Variants in EVI5 observed in about 807,000 individuals in gnomAD.
EVI5 encodes ecotropic viral integration site 5 protein homolog.
In EVI5, 73 loss-of-function variants were observed where a neutral mutation model predicts 112.0. The ratio of observed to expected loss-of-function variants is 0.65; its 90% CI spans 0.54 to 0.79. The LOEUF (loss-of-function observed/expected upper bound fraction) is 0.79, where lower values mean the gene tolerates loss of function less well. Ranked by LOEUF, EVI5 falls within the 30% of genes least tolerant of loss-of-function variation. The pLI, the probability that EVI5 is intolerant of heterozygous loss-of-function variation, is 0.00. For missense variants in EVI5, 900 were observed against 968.8 expected, an observed-to-expected ratio of 0.93 and a Z score of 0.94; for synonymous variants, 305 against 319.9, an observed-to-expected ratio of 0.95 and a Z score of 0.50.
intron 13 of EVI5, among the ~76,000 whole-genome samples, chr1:92,644,589 G>A (rs12569144): frequency 6.6e-6 from 1 of 152,118 alleles, no homozygotes; most frequent in Non-Finnish European, 1.5e-5. Context: ...TGGGAGCTTA[G>A]ATTATTGGTT....
chr1:92,669,972 A>G (rs1665588298), intron 10 of EVI5, among the ~76,000 whole-genome samples: 1 of 151,988 alleles, frequency 6.6e-6, no homozygotes, highest in African/African-American at 2.4e-5. Context: ...ACCAAATTAG[A>G]AAAAAAAGAG....
chr1:92,550,881 G>GA (rs1389109837), intron 19 of EVI5, among the ~76,000 whole-genome samples: 1 of 117,412 alleles, frequency 8.5e-6, no homozygotes, highest in Non-Finnish European at 1.7e-5. Flanking sequence ...AACAGATTAA[G>GA]AAAATCAATA....
intron 2 of EVI5, among the ~76,000 whole-genome samples, chr1:92,706,749 G>A (rs183396835): frequency 1.3e-5 from 2 of 152,252 alleles, no homozygotes; most frequent in South Asian, 4.1e-4. Flanking sequence ...ATTATACAAA[G>A]CTGTGAGGAA....
At chr1:92,634,110 C>G (rs1265585038) in intron 14 of EVI5, among the ~76,000 whole-genome samples, 5 of 152,164 alleles carry the variant, frequency 3.3e-5, no homozygotes. Context: ...CTGCCCTTAA[C>G]ATTTCTAAAA....
At chr1:92,545,639 C>G (rs1225180155) in intron 19 of EVI5, among the ~76,000 whole-genome samples, 2 of 152,086 alleles carry the variant, frequency 1.3e-5, no homozygotes, top group Non-Finnish European at 2.9e-5. Context: ...AAAACACAAT[C>G]AAGAAAGTAA....
Position 92,646,345 on chromosome 1 carries a change from C to T in EVI5, c.1393-10009G>A, listed in dbSNP as rs79244601. ...TACTTTGCTGACAACAGTTCTACAGCTTGTTCAAAAAGTTTATAGACAATG... is the reference window on the plus strand; with the variant it reads ...TACTTTGCTGACAACAGTTCTACAGTTTGTTCAAAAAGTTTATAGACAATG... On this transcript the variant is annotated intron_variant, in intron 13 of 19. Coordinates refer to ENST00000684568, the MANE Select transcript of EVI5 (RefSeq NM_001350197.2). Among the ~76,000 whole-genome samples, 61 of 152,294 alleles carry T rather than the reference C, an allele frequency of 4.0e-4. No individual in the cohort carries two copies. In the East Asian group the frequency reaches 4.6e-3, roughly 12 times the overall value.
upstream of EVI5, among the ~76,000 whole-genome samples, chr1:92,785,600 A>G (rs1228950341): frequency 7.9e-5 from 12 of 152,322 alleles, no homozygotes; most frequent in East Asian, 2.3e-3. Flanking sequence ...GTTTATGCAG[A>G]CTACTGCAGG....
chr1:92,607,474 C>G, intron 17 of EVI5, 107 bp downstream of exon 17: 1 of 775,634 alleles, frequency 1.3e-6, no homozygotes, highest in Non-Finnish European at 1.9e-6. Flanking sequence ...GAAAATAGGA[C>G]GAGCTTTTTT....
At chr1:92,539,645 G>A (rs1447184434) in intron 19 of EVI5, among the ~76,000 whole-genome samples, 1 of 151,780 alleles carries the variant, frequency 6.6e-6, no homozygotes, top group Non-Finnish European at 1.5e-5. Flanking sequence ...CCCCATCCAT[G>A]GGCCCCAGGT....
chr1:92,635,645 C>T (rs763724431), intron 14 of EVI5, among the ~76,000 whole-genome samples: 6 of 152,070 alleles, frequency 3.9e-5, no homozygotes, highest in Admixed American at 2.6e-4. Context: ...GCTCGGTGCA[C>T]TACACCCACT....
At chr1:92,723,900 C>T (rs1389074779) in intron 2 of EVI5, among the ~76,000 whole-genome samples, 2 of 152,110 alleles carry the variant, frequency 1.3e-5, no homozygotes, top group East Asian at 1.9e-4. Context: ...GTCTGTCTTA[C>T]GCGGTTGAGA....
chr1:92,666,302 T>A (rs1190183136), intron 10 of EVI5, among the ~76,000 whole-genome samples: 3 of 151,392 alleles, frequency 2.0e-5, no homozygotes, highest in Non-Finnish European at 4.4e-5. Context: ...ACACACACAA[T>A]TTAGCCAGGA....
At chr1:92,775,335 G>A (rs1053530428) in intron 1 of EVI5, among the ~76,000 whole-genome samples, 1 of 151,924 alleles carries the variant, frequency 6.6e-6, no homozygotes, top group Non-Finnish European at 1.5e-5. Flanking sequence ...GCTCAGGCAG[G>A]AGAATAGTTT....
intron 9 of EVI5, among the ~76,000 whole-genome samples, chr1:92,691,025 G>A (rs1234469702): frequency 6.6e-6 from 1 of 152,092 alleles, no homozygotes; most frequent in East Asian, 1.9e-4. Flanking sequence ...CCTTCAGGTT[G>A]GATATTCTCG....
intron 2 of EVI5, among the ~76,000 whole-genome samples, chr1:92,719,074 G>C (rs1216461653): frequency 2.0e-5 from 3 of 152,120 alleles, no homozygotes; most frequent in Non-Finnish European, 4.4e-5. Context: ...ACGAAAAAAA[G>C]TTCAGGACCA....
chr1:92,682,735 C>T (rs1166230440), intron 9 of EVI5, among the ~76,000 whole-genome samples: 1 of 151,854 alleles, frequency 6.6e-6, no homozygotes, highest in African/African-American at 2.4e-5. Flanking sequence ...TGCAAGACTT[C>T]GTCTCAAAAA....
intron 18 of EVI5, among the ~76,000 whole-genome samples, chr1:92,575,689 G>A (rs375985014): frequency 4.7e-5 from 7 of 150,102 alleles, no homozygotes; most frequent in African/African-American, 1.2e-4. Context: ...CATGCCTCCC[G>A]AGTAGCTGGA....
chr1:92,543,828 T>C lies in EVI5; in HGVS notation c.2166+19814A>G, dbSNP rs112569963. Among the ~76,000 whole-genome samples, 885 of 152,302 alleles carry C rather than the reference T, an allele frequency of 5.8e-3. 8 individuals are homozygous for C. Among genetic ancestry groups the C allele is most frequent in the African/African-American group, 0.019 (786 of 41,552 alleles). On this transcript the variant is annotated intron_variant, in intron 19 of 19. Transcript: ENST00000684568. Reference sequence around the variant, plus strand: ...GAGACATGAAGTGAGCACACGCTGTTGGAAAAACGGCATTGAAAGACTTGC... The same window carrying C: ...GAGACATGAAGTGAGCACACGCTGTCGGAAAAACGGCATTGAAAGACTTGC...
intron 18 of EVI5, among the ~76,000 whole-genome samples, chr1:92,567,675 C>G (rs1467285034): frequency 1.3e-5 from 2 of 152,032 alleles, no homozygotes; most frequent in Non-Finnish European, 2.9e-5. Context: ...CTCTATGATT[C>G]ACACACTGAT....
Sources: allele counts gnomAD v4.1 joint callset (sites outside exome capture counted in the v4.1 genomes callset), GRCh38; gene constraint gnomAD v4.1.1; transcripts MANE v1.5; gene names NCBI Gene and HGNC (gene_info 2026-07-23, HGNC 2026-07-21).